ENTPD1: variants seen among roughly 807,000 people sequenced by gnomAD.
ENTPD1 encodes the protein ectonucleoside triphosphate diphosphohydrolase 1.
In ENTPD1, 33 loss-of-function variants were observed where a neutral mutation model predicts 57.0. The ratio of observed to expected loss-of-function variants is 0.58; its 90% CI spans 0.44 to 0.77. The LOEUF is 0.77. Among genes scored for constraint, ENTPD1 ranks in the 30% least tolerant of loss-of-function variants. The pLI is 0.00. For synonymous variants in ENTPD1, 202 were observed against 218.8 expected, an observed-to-expected ratio of 0.92 and a Z score of 0.68; for missense variants, 501 against 603.4, an observed-to-expected ratio of 0.83 and a Z score of 1.78.
At chr10:95,721,712 C>CA (rs1214649491) in intron 1 of ENTPD1, among the ~76,000 whole-genome samples, 5 of 151,534 alleles carry the variant, frequency 3.3e-5, no homozygotes, top group African/African-American at 1.2e-4. Flanking sequence ...GGGATGCCAT[C>CA]ACCCCTAGTC....
chr10:95,831,021 G>A (rs1298719512), intron 2 of ENTPD1, among the ~76,000 whole-genome samples: 1 of 152,180 alleles, frequency 6.6e-6, no homozygotes, highest in Non-Finnish European at 1.5e-5. Flanking sequence ...GGCGAGGCCA[G>A]AATTAAGGCA....
chr10:95,793,025 T>C (rs1330557713), intron 1 of ENTPD1, among the ~76,000 whole-genome samples: 1 of 152,158 alleles, frequency 6.6e-6, no homozygotes, highest in East Asian at 1.9e-4. Flanking sequence ...TGCCTTGGGA[T>C]TCCTTACGTC....
chr10:95,818,130 T>C (rs2098336294), intron 1 of ENTPD1, among the ~76,000 whole-genome samples: 1 of 152,074 alleles, frequency 6.6e-6, no homozygotes, highest in Non-Finnish European at 1.5e-5. Flanking sequence ...ACAAAAAGAC[T>C]TGGAGAATGA....
upstream of ENTPD1, among the ~76,000 whole-genome samples, chr10:95,710,627 C>A (rs898409413): frequency 6.6e-6 from 1 of 151,922 alleles, no homozygotes; most frequent in Non-Finnish European, 1.5e-5. Flanking sequence ...ACTTTGAAAC[C>A]TTTTTAAAAA....
intron 1 of ENTPD1, among the ~76,000 whole-genome samples, chr10:95,773,948 C>A (rs1237390081): frequency 6.6e-6 from 1 of 152,180 alleles, no homozygotes; most frequent in East Asian, 1.9e-4. Flanking sequence ...ACACTCCCAC[C>A]AACAGTGTAA....
At chr10:95,773,997 T>C (rs2098124777) in intron 1 of ENTPD1, among the ~76,000 whole-genome samples, 1 of 152,188 alleles carries the variant, frequency 6.6e-6, no homozygotes, top group African/African-American at 2.4e-5. Context: ...CAGCGTCTGT[T>C]GTTTCCTGAC....
At chr10:95,702,960 T>A in the ENTPD1 span, among the ~76,000 whole-genome samples, 7 of 152,022 alleles carry the variant, frequency 4.6e-5, no homozygotes, top group Non-Finnish European at 1.0e-4. Flanking sequence ...TTTTTTTTTT[T>A]ATTTTTAGTA....
chr10:95,855,972 G>A (rs545707607), intron 7 of ENTPD1, among the ~76,000 whole-genome samples: 111 of 152,236 alleles, frequency 7.3e-4, no homozygotes, highest in Non-Finnish European at 1.4e-3. Flanking sequence ...TCCTTAATTT[G>A]AATGTTGGCT....
chr10:95,847,618 T>A lies in ENTPD1; in HGVS notation c.986T>A (p.Ile329Asn). The change falls in exon 7 of 10, where the codon ATC (isoleucine) becomes AAC (asparagine). Residue 329 changes from isoleucine (I) to asparagine (N), a missense_variant. By Grantham distance (149) the Ile-to-Asn change is moderately radical. Transcript: ENST00000371205. ...IGNYQQCHQSILELFNTSYCP... is the reference protein window; with the variant it reads ...IGNYQQCHQSNLELFNTSYCP... ...AACTATCAACAATGCCATCAAAGCA[T>A]CCTGGAGCTCTTCAACACCAGTTAC... is the stretch of plus-strand genomic sequence containing the variant. The A allele has an allele frequency of 1.2e-6, 2 of 1,614,206 alleles. No homozygotes were observed. Among genetic ancestry groups the A allele is most frequent in the Non-Finnish European group, 1.7e-6 (2 of 1,180,032 alleles).
intron 1 of ENTPD1, among the ~76,000 whole-genome samples, chr10:95,732,276 G>C (rs540868753): frequency 6.6e-6 from 1 of 152,152 alleles, no homozygotes; most frequent in African/African-American, 2.4e-5. Flanking sequence ...TTAGAGAAGA[G>C]CTTGTTCTGC....
chr10:95,793,966 C>T (rs1350009221), intron 1 of ENTPD1, among the ~76,000 whole-genome samples: 1 of 152,164 alleles, frequency 6.6e-6, no homozygotes, highest in Non-Finnish European at 1.5e-5. Flanking sequence ...CATATCATTA[C>T]AAAATTAGAA....
At chr10:95,850,008 A>G (rs2098442179) in intron 7 of ENTPD1, among the ~76,000 whole-genome samples, 1 of 152,216 alleles carries the variant, frequency 6.6e-6, no homozygotes. Flanking sequence ...AACATGGCCA[A>G]TTCCTGCCTT....
intron 2 of ENTPD1, among the ~76,000 whole-genome samples, chr10:95,836,463 A>G (rs771196995): frequency 7.9e-5 from 12 of 152,210 alleles, no homozygotes; most frequent in Non-Finnish European, 1.6e-4. Flanking sequence ...ACTTCATTTT[A>G]TAAGTGATAT....
At chr10:95,765,020 C>T (rs890730881) in intron 1 of ENTPD1, among the ~76,000 whole-genome samples, 2 of 152,036 alleles carry the variant, frequency 1.3e-5, no homozygotes, top group East Asian at 1.9e-4. Context: ...CCACGCCTGG[C>T]CTCTTTGCCC....
At chr10:95,856,671 T>TATATATATATAC (rs571622251) in intron 7 of ENTPD1, among the ~76,000 whole-genome samples, 68 of 146,774 alleles carry the variant, frequency 4.6e-4, no homozygotes, top group Non-Finnish European at 6.7e-4. Context: ...TATATATATA[T>TATATATATATAC]ACACACACAT....
At chr10:95,695,784 G>T in the ENTPD1 span, among the ~76,000 whole-genome samples, 44 of 152,240 alleles carry the variant, frequency 2.9e-4, no homozygotes, top group South Asian at 8.5e-3. Context: ...CCCATGCCTA[G>T]AACAGTGTCT....
intron 1 of ENTPD1, among the ~76,000 whole-genome samples, chr10:95,779,094 A>G (rs1412651052): frequency 6.6e-6 from 1 of 152,022 alleles, no homozygotes; most frequent in Non-Finnish European, 1.5e-5. Flanking sequence ...TAACCCCAAC[A>G]CTTGTCTCAT....
At position 95,847,502 on chromosome 10, in the gene ENTPD1, A is replaced by G. The variant is rs763257720; in HGVS notation, c.870A>G (p.Val290=). 1.2e-6 allele frequency: 2 copies of G among 1,614,070 alleles called. No individual in the cohort carries two copies. The highest frequency in any genetic ancestry group is 2.7e-5 in the African/African-American group (2 of 74,932). ...DPCFHPGYKK[V]VNVSDLYKTP... ...GCTTTCATCCTGGATATAAGAAGGT[A>G]GTGAACGTAAGTGACCTTTACAAGA... is the stretch of plus-strand genomic sequence containing the variant. The change falls in exon 7 of 10, where the codon GTA becomes GTG. Residue 290 remains valine (V), a synonymous_variant. Coordinates refer to ENST00000371205, the MANE Select transcript of ENTPD1 (RefSeq NM_001776.6).
rs10786235 is a variant in ENTPD1 at position 95,782,695 on chromosome 10, T to A, written c.16+26440T>A. Among the ~76,000 whole-genome samples the A allele has an allele frequency of 2.6e-5, 4 of 152,162 alleles. No homozygotes were observed. In the East Asian group the frequency reaches 7.7e-4, roughly 29 times the overall value. On this transcript the variant is annotated intron_variant, in intron 1 of 9. Transcript: ENST00000371205. ...GGAAGAGAGAATTTTCCCCCTTGCCTTATTGATTTCATCCTGCATTAGTTC... is the reference window on the plus strand; with the variant it reads ...GGAAGAGAGAATTTTCCCCCTTGCCATATTGATTTCATCCTGCATTAGTTC...
Sources: allele counts gnomAD v4.1 joint callset (sites outside exome capture counted in the v4.1 genomes callset), GRCh38; gene constraint gnomAD v4.1.1; transcripts MANE v1.5; gene names NCBI Gene and HGNC (gene_info 2026-07-23, HGNC 2026-07-21).